KIAA1217: variants seen among roughly 807,000 people sequenced by gnomAD.
KIAA1217 encodes the protein KIAA1217.
A neutral mutation model predicts 163.9 loss-of-function variants in KIAA1217; 88 were observed. The observed-to-expected ratio is 0.54, with a 90% CI of 0.45 to 0.64. KIAA1217 has a LOEUF of 0.64. Among genes scored for constraint, KIAA1217 ranks in the 30% least tolerant of loss-of-function variants. The pLI, the probability that KIAA1217 is intolerant of heterozygous loss-of-function variation, is 0.00. For synonymous variants in KIAA1217, 903 were observed against 923.1 expected (o/e 0.98, Z 0.39); for missense variants, 2,372 against 2,475.0 (o/e 0.96, Z 0.88).
At chr10:23,818,008 T>TATATATAC (rs1415893173) in intron 1 of KIAA1217, among the ~76,000 whole-genome samples, 2 of 87,264 alleles carry the variant, frequency 2.3e-5, no homozygotes, top group Non-Finnish European at 4.2e-5. Flanking sequence ...TATATATATA[T>TATATATAC]ACACACATAT....
intron 2 of KIAA1217, among the ~76,000 whole-genome samples, chr10:24,354,800 T>A (rs2048880043): frequency 7.3e-6 from 1 of 137,454 alleles, no homozygotes. Flanking sequence ...GCTTGGGGTT[T>A]ATATGGGTAC....
At chr10:24,484,736 G>A (rs1168398526) in intron 6 of KIAA1217, among the ~76,000 whole-genome samples, 1 of 152,060 alleles carries the variant, frequency 6.6e-6, no homozygotes, top group African/African-American at 2.4e-5. Flanking sequence ...AGAGGGACAA[G>A]TTCTGTGCAA....
intron 5 of KIAA1217, among the ~76,000 whole-genome samples, chr10:24,452,469 C>T (rs990064436): frequency 1.3e-5 from 2 of 149,722 alleles, no homozygotes; most frequent in Non-Finnish European, 3.0e-5. Flanking sequence ...GTCAGGAGAT[C>T]AAGACCATCC....
chr10:24,542,509 C>T, intron 17 of KIAA1217, 184 bp from the exon 18 acceptor site: 4 of 1,424,356 alleles, frequency 2.8e-6, no homozygotes, highest in Non-Finnish European at 3.7e-6. Context: ...AAACACAGGG[C>T]ATTTTTGGCA....
intron 10 of KIAA1217, 129 bp from the exon 11 acceptor site, chr10:24,519,994 A>G: frequency 9.5e-7 from 1 of 1,054,300 alleles, no homozygotes; most frequent in Non-Finnish European, 1.4e-6. Context: ...CACCACCACC[A>G]CACGAAAGGC....
intron 2 of KIAA1217, among the ~76,000 whole-genome samples, chr10:24,318,704 A>G (rs978524167): frequency 6.6e-6 from 1 of 152,200 alleles, no homozygotes; most frequent in Non-Finnish European, 1.5e-5. Flanking sequence ...CAGATTGGAC[A>G]ACATTTCCTA....
At chr10:23,855,944 C>A (rs1839635186) in intron 1 of KIAA1217, among the ~76,000 whole-genome samples, 1 of 152,058 alleles carries the variant, frequency 6.6e-6, no homozygotes, top group Non-Finnish European at 1.5e-5. Context: ...AACTTCTTTG[C>A]CTTTGGTTTG....
At chr10:24,189,062 C>T (rs951362064) in intron 2 of KIAA1217, among the ~76,000 whole-genome samples, 4 of 147,950 alleles carry the variant, frequency 2.7e-5, no homozygotes, top group South Asian at 2.1e-4. Flanking sequence ...GCCAAGATCA[C>T]GCCACTGCAC....
chr10:24,069,557 C>A (rs997193194), intron 2 of KIAA1217, among the ~76,000 whole-genome samples: 4 of 152,156 alleles, frequency 2.6e-5, no homozygotes, highest in Non-Finnish European at 4.4e-5. Context: ...AAACTGGGAG[C>A]TAGGAGACAT....
chr10:23,923,406 A>G (rs1171918233), intron 1 of KIAA1217, among the ~76,000 whole-genome samples: 1 of 152,178 alleles, frequency 6.6e-6, no homozygotes, highest in African/African-American at 2.4e-5. Context: ...TGGCCCCTCA[A>G]AGATGCCTAC....
At chr10:23,809,169 C>T (rs1278620595) in intron 1 of KIAA1217, among the ~76,000 whole-genome samples, 1 of 151,822 alleles carries the variant, frequency 6.6e-6, no homozygotes, top group Admixed American at 6.6e-5. Flanking sequence ...AAATTAAATA[C>T]AGTAAAGAAT....
chr10:24,058,635 T>C (rs1184972262), intron 2 of KIAA1217, among the ~76,000 whole-genome samples: 1 of 152,198 alleles, frequency 6.6e-6, no homozygotes, highest in Non-Finnish European at 1.5e-5. Context: ...AGTATTTTAT[T>C]CTTTTGGATG....
At chr10:24,510,078 A>G (rs2068890824) in intron 9 of KIAA1217, among the ~76,000 whole-genome samples, 1 of 152,124 alleles carries the variant, frequency 6.6e-6, no homozygotes, top group South Asian at 2.1e-4. Context: ...ACCATGTGCC[A>G]CACGCTGCTT....
intron 3 of KIAA1217, among the ~76,000 whole-genome samples, chr10:24,424,181 T>TATC (rs2058995454): frequency 6.6e-6 from 1 of 152,196 alleles, no homozygotes; most frequent in Non-Finnish European, 1.5e-5. Context: ...CTTTAAAAGC[T>TATC]ATCCTATAGG....
rs561564172 is a variant in KIAA1217 at position 24,036,253 on chromosome 10, G to A, written c.-171+28879G>A. Among the ~76,000 whole-genome samples, 51 of 152,326 alleles carry A rather than the reference G, an allele frequency of 3.3e-4. 1 individual carries two copies. The South Asian group carries it at 3.7e-3, about 11-fold the overall frequency. Reference sequence around the variant, plus strand: ...AGGGCTAGCCCCATATTTGGAATACGGTAGTGTTCTCTCTCTTTGGTGAGG... The same window carrying A: ...AGGGCTAGCCCCATATTTGGAATACAGTAGTGTTCTCTCTCTTTGGTGAGG... On this transcript the variant is annotated intron_variant, in intron 2 of 18. Transcript: ENST00000376462.
At chr10:24,164,766 C>A (rs977674458) in intron 2 of KIAA1217, among the ~76,000 whole-genome samples, 3 of 152,164 alleles carry the variant, frequency 2.0e-5, no homozygotes, top group South Asian at 2.1e-4. Context: ...GCAGACACCC[C>A]CCTCAGGGAT....
intron 2 of KIAA1217, among the ~76,000 whole-genome samples, chr10:24,029,640 C>A (rs915103152): frequency 3.9e-5 from 6 of 152,188 alleles, no homozygotes; most frequent in Admixed American, 3.9e-4. Flanking sequence ...TACTACACCT[C>A]TCAAGAAAGA....
chr10:23,791,066 T>C (rs1302578758), intron 1 of KIAA1217, among the ~76,000 whole-genome samples: 3 of 152,164 alleles, frequency 2.0e-5, no homozygotes, highest in African/African-American at 7.2e-5. Flanking sequence ...TACGTGGTTT[T>C]CCCCATTGTA....
chr10:24,038,995 T>C (rs1208827211), intron 2 of KIAA1217, among the ~76,000 whole-genome samples: 1 of 152,090 alleles, frequency 6.6e-6, no homozygotes, highest in East Asian at 1.9e-4. Context: ...CCACCCACCT[T>C]GGCCTTCCAA....
Sources: allele counts gnomAD v4.1 joint callset (sites outside exome capture counted in the v4.1 genomes callset), GRCh38; gene constraint gnomAD v4.1.1; transcripts MANE v1.5; gene names NCBI Gene and HGNC (gene_info 2026-07-23, HGNC 2026-07-21).